The following CLYBL variants were observed in gnomAD, a reference collection of about 807,000 sequenced individuals.
The protein encoded by CLYBL is citramalyl-CoA lyase, mitochondrial.
CLYBL carries 31 observed loss-of-function variants against 38.9 expected under a neutral mutation model. The observed-to-expected ratio is 0.80, with a 90% CI of 0.60 to 1.08. CLYBL has a LOEUF of 1.08. CLYBL is among the 50% of genes least tolerant of loss of function. CLYBL has a pLI of 0.00. For synonymous variants in CLYBL, 171 were observed against 158.6 expected (o/e 1.08, Z -0.59); for missense variants, 434 against 411.6 (o/e 1.05, Z -0.47).
At chr13:99,670,022 G>A (rs1056445032) in intron 1 of CLYBL, among the ~76,000 whole-genome samples, 3 of 113,580 alleles carry the variant, frequency 2.6e-5, no homozygotes, top group African/African-American at 6.6e-5. Flanking sequence ...GTGAAACCCC[G>A]TCTCTATTAA....
chr13:99,871,605 G>A (rs768115878), intron 7 of CLYBL, among the ~76,000 whole-genome samples: 9 of 152,110 alleles, frequency 5.9e-5, no homozygotes, highest in African/African-American at 9.7e-5. Context: ...ACTGGAGTAC[G>A]GTTGTTCCTA....
intron 6 of CLYBL, among the ~76,000 whole-genome samples, chr13:99,870,512 A>G (rs2051860539): frequency 6.6e-6 from 1 of 152,234 alleles, no homozygotes; most frequent in Non-Finnish European, 1.5e-5. Context: ...TTCTACAAAG[A>G]AAGCAAAAGA....
intron 1 of CLYBL, among the ~76,000 whole-genome samples, chr13:99,724,198 A>G (rs1057009953): frequency 2.0e-5 from 3 of 152,192 alleles, no homozygotes; most frequent in Admixed American, 6.6e-5. Context: ...AAGTAGTACA[A>G]TGGGGCTGAA....
chr13:99,813,381 T>C (rs1426458826), intron 2 of CLYBL, among the ~76,000 whole-genome samples: 1 of 152,236 alleles, frequency 6.6e-6, no homozygotes, highest in African/African-American at 2.4e-5. Context: ...GCAAGAACAG[T>C]AATACTAGTA....
chr13:99,692,257 C>G (rs1271636210), intron 1 of CLYBL, among the ~76,000 whole-genome samples: 1 of 151,438 alleles, frequency 6.6e-6, no homozygotes, highest in African/African-American at 2.4e-5. Context: ...CATAGTTCAG[C>G]TCTCATAAAG....
At chr13:99,796,659 A>G (rs2050027884) in intron 2 of CLYBL, among the ~76,000 whole-genome samples, 1 of 152,192 alleles carries the variant, frequency 6.6e-6, no homozygotes, top group Admixed American at 6.5e-5. Flanking sequence ...TTTGATCACC[A>G]CATTTGCTAA....
intron 1 of CLYBL, among the ~76,000 whole-genome samples, chr13:99,631,695 T>C (rs1217275866): frequency 6.6e-6 from 1 of 151,506 alleles, no homozygotes; most frequent in Non-Finnish European, 1.5e-5. Flanking sequence ...ACCTCCCGGG[T>C]TCAAGCGATT....
At chr13:99,652,094 G>A (rs958438210) in intron 1 of CLYBL, among the ~76,000 whole-genome samples, 3 of 152,174 alleles carry the variant, frequency 2.0e-5, no homozygotes, top group African/African-American at 2.4e-5. Flanking sequence ...GCTCAGCCAC[G>A]AGAACAGTGT....
chr13:99,674,247 G>C (rs2047611202), intron 1 of CLYBL, among the ~76,000 whole-genome samples: 1 of 144,714 alleles, frequency 6.9e-6, no homozygotes, highest in African/African-American at 2.6e-5. Context: ...CGCCTCGCAG[G>C]TTCAAGCGAT....
At chr13:99,779,869 A>T (rs145130347) in intron 2 of CLYBL, among the ~76,000 whole-genome samples, 150 of 152,220 alleles carry the variant, frequency 9.9e-4, no homozygotes, top group Non-Finnish European at 1.8e-3. Flanking sequence ...AATGGTGATG[A>T]TTCTTTGAAA....
Position 99,819,465 on chromosome 13 carries a change from T to TATAAAA in CLYBL, c.250-39392_250-39391insAAATAA, listed in dbSNP as rs1555312485. 1.0e-3 allele frequency among the ~76,000 whole-genome samples: 59 copies of TATAAAA among 58,750 alleles called. 2 individuals are homozygous for TATAAAA. The highest frequency in any genetic ancestry group is 3.5e-3 in the African/African-American group (48 of 13,812). 38.5% of individuals were successfully genotyped at this position (58,750 alleles called of 152,430 possible). A position where few individuals can be genotyped will look rare whatever the true frequency, so the allele number is the denominator to read the frequency against. ...ATATATATATATATATATATATATA[T>TATAAAA]ATAATATTTGTCAGGGTTGTCTGGG... On this transcript the variant is annotated intron_variant, in intron 2 of 8. Coordinates refer to ENST00000339105, the MANE Select transcript of CLYBL (RefSeq NM_206808.5).
chr13:99,608,643 G>A (rs938983087), intron 1 of CLYBL, among the ~76,000 whole-genome samples: 1 of 152,086 alleles, frequency 6.6e-6, no homozygotes, highest in Non-Finnish European at 1.5e-5. Context: ...ACGCCAGTAC[G>A]CTGGGGGTTA....
rs565752625 is a variant in CLYBL at position 99,878,983 on chromosome 13, C to T, written c.927+7921C>T. On this transcript the variant is annotated intron_variant, in intron 7 of 8. Transcript: ENST00000339105. ...GTTTAAAGTAAGCATGGCTCTGGTC[C>T]GTGGAGACCCAGACCTGGGCAAGTA... 2.0e-5 allele frequency among the ~76,000 whole-genome samples: 3 copies of T among 152,264 alleles called. No homozygotes were observed. The South Asian group carries it at 6.2e-4, about 32-fold the overall frequency.
chr13:99,809,355 T>G (rs2050295367), intron 2 of CLYBL, among the ~76,000 whole-genome samples: 1 of 152,248 alleles, frequency 6.6e-6, no homozygotes, highest in Non-Finnish European at 1.5e-5. Flanking sequence ...CTTCTGTGCA[T>G]GACCAGTGTC....
chr13:99,824,387 A>G (rs936370175), intron 2 of CLYBL, among the ~76,000 whole-genome samples: 1 of 151,790 alleles, frequency 6.6e-6, no homozygotes, highest in Non-Finnish European at 1.5e-5. Context: ...GGTTATGGTC[A>G]CTTGTTAGTA....
chr13:99,674,142 C>CTTTTT lies in CLYBL; in HGVS notation c.62+67408_62+67412dup, dbSNP rs1167068936. Reference sequence around the variant, plus strand: ...TCGTTTTTTTTTAGCTACTAGAATTCTTTTTTTTTTTTTTTTTTTTTTTTT... The same window carrying CTTTTT: ...TCGTTTTTTTTTAGCTACTAGAATTCTTTTTTTTTTTTTTTTTTTTTTTTTTTTTT... On this transcript the variant is annotated intron_variant, in intron 1 of 8. Coordinates refer to ENST00000339105, the MANE Select transcript of CLYBL (RefSeq NM_206808.5). Among the ~76,000 whole-genome samples the CTTTTT allele has an allele frequency of 1.8e-3, 94 of 51,160 alleles. 11 individuals carry two copies. Among genetic ancestry groups the CTTTTT allele is most frequent in the African/African-American group, 7.8e-3 (89 of 11,438 alleles). The allele number at this position is 51,160 out of a possible 152,430, so 33.6% of individuals were successfully genotyped here.
intron 1 of CLYBL, among the ~76,000 whole-genome samples, chr13:99,733,161 A>C (rs1272832866): frequency 6.6e-6 from 1 of 152,176 alleles, no homozygotes; most frequent in Non-Finnish European, 1.5e-5. Context: ...TTCCTCCTCA[A>C]AGATTACTCC....
intron 2 of CLYBL, among the ~76,000 whole-genome samples, chr13:99,800,306 G>A (rs570723083): frequency 6.6e-6 from 1 of 152,290 alleles, no homozygotes; most frequent in Non-Finnish European, 1.5e-5. Context: ...AGGCTTTTTG[G>A]GGAGAAATTT....
At chr13:99,622,214 G>C (rs1297071488) in intron 1 of CLYBL, among the ~76,000 whole-genome samples, 1 of 152,192 alleles carries the variant, frequency 6.6e-6, no homozygotes, top group Non-Finnish European at 1.5e-5. Flanking sequence ...CCCAACTCAG[G>C]GTCAGCTGAT....
Sources: gnomAD v4.1 joint callset for allele counts (sites outside exome capture counted in the v4.1 genomes callset) on GRCh38, gnomAD v4.1.1 for gene constraint, MANE v1.5 for transcripts, NCBI Gene and HGNC (gene_info 2026-07-23, HGNC 2026-07-21) for gene names.